The following RPTOR variants were observed in gnomAD, a reference collection of about 807,000 sequenced individuals.
RPTOR encodes regulatory-associated protein of mTOR.
Under a neutral mutation model 169.9 loss-of-function variants are expected in RPTOR, and 21 were observed. The ratio of observed to expected loss-of-function variants is 0.12; its 90% CI spans 0.09 to 0.18. The LOEUF is 0.18. Among genes scored for constraint, RPTOR ranks in the 10% least tolerant of loss-of-function variants. The probability of loss-of-function intolerance (pLI) is 1.00; values close to 1 mark genes in which losing one functional copy is unlikely to be tolerated. For missense variants in RPTOR, 1,133 were observed against 1,855.9 expected, an observed-to-expected ratio of 0.61 and a Z score of 7.16; for synonymous variants, 732 against 753.2, an observed-to-expected ratio of 0.97 and a Z score of 0.46.
intron 14 of RPTOR, 129 bp downstream of exon 14, chr17:80,880,618 C>A: frequency 1.3e-6 from 1 of 775,948 alleles, no homozygotes; most frequent in South Asian, 1.6e-5. Flanking sequence ...GCAGGGGCCA[C>A]GTCCACGGGG....
At chr17:80,812,556 G>A (rs142775820) in intron 7 of RPTOR, among the ~76,000 whole-genome samples, 546 of 152,144 alleles carry the variant, frequency 3.6e-3, no homozygotes, top group Non-Finnish European at 6.3e-3. Flanking sequence ...TGAGCCTGCC[G>A]TGATCTACTC....
chr17:80,647,408 T>C, intron 3 of RPTOR, among the ~76,000 whole-genome samples: 1 of 152,180 alleles, frequency 6.6e-6, no homozygotes, highest in East Asian at 1.9e-4. Flanking sequence ...GTGAAGAATT[T>C]ATCTTTTTAG....
intron 24 of RPTOR, among the ~76,000 whole-genome samples, chr17:80,929,263 C>T (rs929160340): frequency 6.6e-6 from 1 of 152,184 alleles, no homozygotes; most frequent in Non-Finnish European, 1.5e-5. Flanking sequence ...AATGCTTGCA[C>T]GAGCTCTGTG....
intron 1 of RPTOR, chr17:80,602,594 A>C (rs2065198146): frequency 1.6e-6 from 1 of 621,220 alleles, no homozygotes; most frequent in African/African-American, 1.8e-5. Flanking sequence ...TGAACATGGT[A>C]ACAGGTACAT....
At chr17:80,853,705 A>T (rs537803946) in intron 11 of RPTOR, among the ~76,000 whole-genome samples, 1 of 152,218 alleles carries the variant, frequency 6.6e-6, no homozygotes, top group East Asian at 1.9e-4. Context: ...TTGGCCGGGC[A>T]CGGTGGCTCA....
chr17:80,918,482 A>ATGAG (rs1431307392), intron 21 of RPTOR, among the ~76,000 whole-genome samples: 2 of 104,168 alleles, frequency 1.9e-5, no homozygotes, highest in East Asian at 4.7e-4. Flanking sequence ...AGTCATAGCC[A>ATGAG]CGAGCACCCT....
intron 7 of RPTOR, among the ~76,000 whole-genome samples, chr17:80,807,594 C>T (rs566101037): frequency 6.6e-5 from 10 of 152,268 alleles, no homozygotes; most frequent in Admixed American, 2.0e-4. Context: ...TCAGGTGATC[C>T]GCCCACCTTG....
intron 5 of RPTOR, among the ~76,000 whole-genome samples, chr17:80,750,271 G>A (rs2066618240): frequency 1.3e-5 from 2 of 152,134 alleles, no homozygotes; most frequent in South Asian, 4.1e-4. Context: ...TGCGTAAAGG[G>A]CCATTTCCTC....
At chr17:80,881,151 G>A (rs1346149974) in intron 14 of RPTOR, among the ~76,000 whole-genome samples, 4 of 152,104 alleles carry the variant, frequency 2.6e-5, no homozygotes, top group Non-Finnish European at 4.4e-5. Context: ...AAACATATTA[G>A]CTAGTTTACA....
At chr17:80,863,490 A>G (rs2067944102) in intron 13 of RPTOR, among the ~76,000 whole-genome samples, 1 of 152,244 alleles carries the variant, frequency 6.6e-6, no homozygotes, top group Non-Finnish European at 1.5e-5. Flanking sequence ...TACTCTACAT[A>G]TTCAAAAAGT....
At chr17:80,892,388 G>C (rs764799649) in intron 18 of RPTOR, among the ~76,000 whole-genome samples, 20 of 152,206 alleles carry the variant, frequency 1.3e-4, no homozygotes, top group Non-Finnish European at 2.6e-4. Flanking sequence ...GAGTGTGGAC[G>C]GTCATTGCTC....
chr17:80,959,285 G>A lies in RPTOR; in HGVS notation c.3478-793G>A, dbSNP rs1325721036. ...CACGAGACGTAGCCCTCAGGGCACA[G>A]CGTGGACACCCTGATCCTCAGGGTC... On this transcript the variant is annotated intron_variant, in intron 29 of 33. Transcript: ENST00000306801. The surrounding 1 kb of genome is among the most constrained non-coding windows in gnomAD (Gnocchi z 6.7). 6.6e-6 allele frequency among the ~76,000 whole-genome samples: 1 copy of A among 152,226 alleles called. No individual in the cohort carries two copies. Among genetic ancestry groups the A allele is most frequent in the Non-Finnish European group, 1.5e-5 (1 of 68,034 alleles).
chr17:80,741,235 T>C (rs1016994592), intron 5 of RPTOR, among the ~76,000 whole-genome samples: 1 of 152,166 alleles, frequency 6.6e-6, no homozygotes, highest in Non-Finnish European at 1.5e-5. Flanking sequence ...CCCTGCTGGC[T>C]TGGCTAATGA....
intron 20 of RPTOR, among the ~76,000 whole-genome samples, chr17:80,898,179 A>G (rs2068429778): frequency 6.6e-6 from 1 of 152,136 alleles, no homozygotes; most frequent in South Asian, 2.1e-4. Flanking sequence ...AAAAAGTTTT[A>G]TTCTTCTAGG....
intron 2 of RPTOR, among the ~76,000 whole-genome samples, chr17:80,640,862 C>A (rs1271456417): frequency 3.3e-5 from 5 of 152,178 alleles, no homozygotes; most frequent in Non-Finnish European, 1.5e-5. Context: ...CACCGCTGAC[C>A]GTCGTGATGC....
At chr17:80,787,784 C>T (rs570748310) in intron 6 of RPTOR, among the ~76,000 whole-genome samples, 130 of 152,272 alleles carry the variant, frequency 8.5e-4, no homozygotes, top group African/African-American at 2.8e-3. Flanking sequence ...CATTTCCTCA[C>T]GTTCAGTGGC....
chr17:80,847,326 A>C (rs2067742977), intron 11 of RPTOR, among the ~76,000 whole-genome samples: 1 of 152,148 alleles, frequency 6.6e-6, no homozygotes. Flanking sequence ...CTGAGATAGG[A>C]TGGGAGGCCA....
At chr17:80,961,039 A>T (rs2069331988) in intron 30 of RPTOR, 1 of 316,654 alleles carries the variant, frequency 3.2e-6, no homozygotes. Flanking sequence ...CACAATGAGG[A>T]GTTTTGAGGG....
chr17:80,884,985 T>C, intron 16 of RPTOR, 23 bp from the exon 17 acceptor site: 1 of 1,601,618 alleles, frequency 6.2e-7, no homozygotes, highest in Non-Finnish European at 8.5e-7. Context: ...GGGACATGCC[T>C]GTGACCCCCC....
Sources: gnomAD v4.1 joint callset for allele counts (sites outside exome capture counted in the v4.1 genomes callset) on GRCh38, gnomAD v4.1.1 for gene constraint, Gnocchi (gnomAD v3.1) non-coding constraint, MANE v1.5 for transcripts, NCBI Gene and HGNC (gene_info 2026-07-23, HGNC 2026-07-21) for gene names.